The following RMDN2 variants were observed in gnomAD, a reference collection of about 807,000 sequenced individuals.
RMDN2 encodes regulator of microtubule dynamics 2.
A neutral mutation model predicts 52.8 loss-of-function variants in RMDN2; 61 were observed. The observed-to-expected ratio is 1.16, with a 90% CI of 0.94 to 1.43. The LOEUF (loss-of-function observed/expected upper bound fraction) is 1.43. Ranked by LOEUF, RMDN2 falls within the 40% of genes most tolerant of loss-of-function variation. The pLI is 0.00. For synonymous variants in RMDN2, 180 were observed against 153.1 expected (o/e 1.18, Z -1.30); for missense variants, 592 against 475.3 (o/e 1.25, Z -2.28).
intron 10 of RMDN2, among the ~76,000 whole-genome samples, chr2:38,014,142 G>A (rs1282950809): frequency 3.9e-5 from 6 of 152,134 alleles, no homozygotes; most frequent in Non-Finnish European, 7.4e-5. Flanking sequence ...AACCTGGGAG[G>A]CAGAGGTTGT....
In RMDN2 at chr2:38,004,141, T is replaced by C. The variant is rs761351589; in HGVS notation, c.1104T>C (p.Tyr368=). 9.9e-6 allele frequency: 16 copies of C among 1,613,400 alleles called. No individual in the cohort carries two copies. The African/African-American group carries it at 1.5e-4, about 15-fold the overall frequency. ...NPNYMYLAKC[Y]TDLEENQNAL... ...TGGTTATTTCTCATTTCCAGTGTTA[T>C]ACTGATCTTGAGGAAAACCAGAATG... The change falls in exon 10 of 11, where the codon TAT becomes TAC. Residue 368 remains tyrosine, a synonymous_variant. Transcript: ENST00000354545.
chr2:37,964,631 A>G (rs1032112028), intron 2 of RMDN2, among the ~76,000 whole-genome samples: 2 of 152,096 alleles, frequency 1.3e-5, no homozygotes, highest in African/African-American at 4.8e-5. Flanking sequence ...TTCCACATGC[A>G]TTGGAGACGA....
At chr2:38,019,670 T>C (rs1010175055), downstream of RMDN2, among the ~76,000 whole-genome samples, 9 of 152,190 alleles carry the variant, frequency 5.9e-5, no homozygotes, top group Non-Finnish European at 1.2e-4. Context: ...CATAAAGCCA[T>C]TTAATCAGAG....
chr2:37,929,938 A>C (rs1666585104), intron 2 of RMDN2, among the ~76,000 whole-genome samples: 1 of 152,264 alleles, frequency 6.6e-6, no homozygotes, highest in Non-Finnish European at 1.5e-5. Flanking sequence ...GGAATATAAA[A>C]AACTTACTGG....
At chr2:37,983,824 C>T (rs1367143602) in intron 5 of RMDN2, among the ~76,000 whole-genome samples, 1 of 152,168 alleles carries the variant, frequency 6.6e-6, no homozygotes, top group Non-Finnish European at 1.5e-5. Context: ...GATAATAAGA[C>T]ATATTCTCAT....
At chr2:38,020,854 G>A (rs189186135), downstream of RMDN2, among the ~76,000 whole-genome samples, 46 of 151,676 alleles carry the variant, frequency 3.0e-4, no homozygotes, top group Admixed American at 2.2e-3. Context: ...CCTGCTCCAC[G>A]GTGCGCAATT....
intron 8 of RMDN2, chr2:37,997,791 T>TA: frequency 2.8e-6 from 1 of 361,976 alleles, no homozygotes; most frequent in Non-Finnish European, 5.1e-6. Flanking sequence ...TGACAGCTCT[T>TA]ACTGCTAAGT....
chr2:38,003,960 G>A (rs780545880), intron 8 of RMDN2, 31 bp from the exon 9 acceptor site: 4 of 1,535,246 alleles, frequency 2.6e-6, no homozygotes, highest in South Asian at 1.1e-5. Flanking sequence ...ATATTGCCCT[G>A]TTATTCTCTC....
intron 2 of RMDN2, among the ~76,000 whole-genome samples, chr2:37,960,997 A>G (rs1558474814): frequency 1.3e-5 from 2 of 152,072 alleles, no homozygotes; most frequent in Non-Finnish European, 2.9e-5. Context: ...TTCTTTTTTT[A>G]TGAATTTTGA....
chr2:37,999,950 A>C (rs1281463850), intron 8 of RMDN2, among the ~76,000 whole-genome samples: 1 of 152,236 alleles, frequency 6.6e-6, no homozygotes, highest in Non-Finnish European at 1.5e-5. Flanking sequence ...TGAAATGGCC[A>C]TAATAATACC....
intron 1 of RMDN2, among the ~76,000 whole-genome samples, chr2:37,928,514 C>CA (rs2124882880): frequency 6.6e-6 from 1 of 152,208 alleles, no homozygotes; most frequent in East Asian, 1.9e-4. Context: ...TTCACACTCC[C>CA]AGCTATTTAC....
At chr2:37,948,076 C>G (rs956634116) in intron 2 of RMDN2, among the ~76,000 whole-genome samples, 5 of 152,170 alleles carry the variant, frequency 3.3e-5, no homozygotes, top group Admixed American at 1.3e-4. Flanking sequence ...CCCGTATGTT[C>G]TGGAACACAG....
At chr2:37,983,924 C>A (rs993926284) in intron 5 of RMDN2, among the ~76,000 whole-genome samples, 1 of 152,150 alleles carries the variant, frequency 6.6e-6, no homozygotes, top group Non-Finnish European at 1.5e-5. Context: ...CAGCCACACA[C>A]AGGCATTTTT....
chr2:38,065,595 T>C (rs1384860954), intron 10 of RMDN2, among the ~76,000 whole-genome samples: 1 of 152,184 alleles, frequency 6.6e-6, no homozygotes, highest in East Asian at 1.9e-4. Flanking sequence ...GTGCCTTGGT[T>C]CTTCTCTCTC....
intron 10 of RMDN2, among the ~76,000 whole-genome samples, chr2:38,048,305 A>AT (rs1292485538): frequency 6.6e-6 from 1 of 152,216 alleles, no homozygotes; most frequent in Non-Finnish European, 1.5e-5. Flanking sequence ...ACATAAATCA[A>AT]TAACAGGCCT....
chr2:38,064,867 A>C (rs921137852), intron 10 of RMDN2, among the ~76,000 whole-genome samples: 9 of 152,180 alleles, frequency 5.9e-5, no homozygotes, highest in Admixed American at 3.3e-4. Context: ...TTGGTGGGGA[A>C]GTGGGTACAG....
Position 37,989,604 on chromosome 2 carries a change from G to C in RMDN2, c.855G>C (p.Gly285=). The stretch of plus-strand genomic sequence containing the variant: ...GTTTACAAAACAAAATCAACTATGG[G>C]CACCTCTTCAAGGTATTTCTTTTTT... ...FEGLQNKINY[G]HLFKEHLDIA... is the part of the protein sequence containing the mutation. The change falls in exon 6 of 11, where the codon GGG becomes GGC. Residue 285 remains glycine (G), a synonymous_variant. Coordinates refer to ENST00000354545, the MANE Select transcript of RMDN2 (RefSeq NM_001170791.3). The C allele has an allele frequency of 6.2e-7, 1 of 1,606,146 alleles. No individual in the cohort carries two copies. Among genetic ancestry groups the C allele is most frequent in the Admixed American group, 1.7e-5 (1 of 59,714 alleles).
intron 10 of RMDN2, among the ~76,000 whole-genome samples, chr2:38,038,412 A>C (rs1402572561): frequency 6.6e-6 from 1 of 152,162 alleles, no homozygotes; most frequent in Non-Finnish European, 1.5e-5. Flanking sequence ...TCTCGGTACA[A>C]GGCGGAAAGT....
intron 4 of RMDN2, among the ~76,000 whole-genome samples, chr2:37,976,960 A>C (rs1386138749): frequency 6.6e-6 from 1 of 152,016 alleles, no homozygotes; most frequent in Admixed American, 6.5e-5. Flanking sequence ...ATGTGAACAA[A>C]GGTCTCTGGT....
Sources: gnomAD v4.1 joint callset for allele counts (sites outside exome capture counted in the v4.1 genomes callset) on GRCh38, gnomAD v4.1.1 for gene constraint, MANE v1.5 for transcripts, NCBI Gene and HGNC (gene_info 2026-07-23, HGNC 2026-07-21) for gene names.